The following CAST variants were observed in gnomAD, a reference collection of about 807,000 sequenced individuals.
CAST encodes the protein calpastatin.
In CAST, 76 loss-of-function variants were observed where a neutral mutation model predicts 119.6. The ratio of observed to expected loss-of-function variants is 0.64; its 90% confidence interval spans 0.53 to 0.77. The LOEUF (loss-of-function observed/expected upper bound fraction) is 0.77, where lower values mean the gene tolerates loss of function less well. Among genes scored for constraint, CAST ranks in the 30% least tolerant of loss-of-function variants. The probability of loss-of-function intolerance (pLI) is 0.00; values close to 1 mark genes in which losing one functional copy is unlikely to be tolerated. For missense variants in CAST, 953 were observed against 946.5 expected (o/e 1.01, Z -0.09); for synonymous variants, 319 against 331.6 (o/e 0.96, Z 0.41).
At chr5:96,409,116 T>G in the CAST span, among the ~76,000 whole-genome samples, 1 of 152,182 alleles carries the variant, frequency 6.6e-6, no homozygotes, top group African/African-American at 2.4e-5. Context: ...CCTGGCTAAC[T>G]TTAGGGTAAT....
the CAST span, among the ~76,000 whole-genome samples, chr5:96,128,720 A>G: frequency 1.3e-5 from 2 of 152,084 alleles, no homozygotes; most frequent in Admixed American, 6.6e-5. Context: ...AATTCACTCC[A>G]TTAACTGATG....
At chr5:96,295,713 T>C in the CAST span, among the ~76,000 whole-genome samples, 3 of 152,092 alleles carry the variant, frequency 2.0e-5, no homozygotes, top group Admixed American at 2.0e-4. Flanking sequence ...ATAATGGAGA[T>C]TGAAAAAAAT....
intron 3 of CAST, among the ~76,000 whole-genome samples, chr5:96,710,143 G>A (rs1755810904): frequency 6.6e-6 from 1 of 152,142 alleles, no homozygotes; most frequent in Non-Finnish European, 1.5e-5. Flanking sequence ...ACCTAGGCTA[G>A]CAATATTAGC....
intron 29 of CAST, chr5:96,769,206 C>T (rs1771219113): frequency 6.6e-6 from 1 of 152,184 alleles, no homozygotes; most frequent in Non-Finnish European, 1.5e-5. Context: ...ACTGAATTGT[C>T]AGCCCTTCCA....
chr5:96,556,971 T>C (rs897909478), intron 1 of CAST, among the ~76,000 whole-genome samples: 2 of 152,066 alleles, frequency 1.3e-5, no homozygotes, highest in African/African-American at 4.8e-5. Context: ...AAGGTCGGGT[T>C]ACCCACAAAG....
the CAST span, among the ~76,000 whole-genome samples, chr5:96,230,575 T>A: frequency 1.8e-4 from 27 of 152,268 alleles, no homozygotes; most frequent in East Asian, 5.2e-3. Context: ...ATCTTTATGA[T>A]CTTTGGGTTA....
chr5:96,364,537 C>T, the CAST span, among the ~76,000 whole-genome samples: 1 of 152,272 alleles, frequency 6.6e-6, no homozygotes, highest in South Asian at 2.1e-4. Flanking sequence ...CAACTTCTTC[C>T]TGGTTTAGTC....
the CAST span, among the ~76,000 whole-genome samples, chr5:96,371,059 C>T: frequency 6.6e-5 from 10 of 152,190 alleles, no homozygotes; most frequent in Middle Eastern, 3.2e-3. Flanking sequence ...TGAAATACAC[C>T]TGTGTCTTGC....
At chr5:96,545,700 C>G (rs1745997952) in intron 1 of CAST, among the ~76,000 whole-genome samples, 1 of 152,184 alleles carries the variant, frequency 6.6e-6, no homozygotes, top group Admixed American at 6.5e-5. Flanking sequence ...TACATAGCCT[C>G]TATCCATATC....
At chr5:96,542,988 A>C (rs532337061) in intron 1 of CAST, among the ~76,000 whole-genome samples, 25 of 152,330 alleles carry the variant, frequency 1.6e-4, no homozygotes, top group African/African-American at 6.0e-4. Context: ...TTCCTCAAGG[A>C]TCTAGAACCA....
chr5:96,588,558 A>G lies in CAST; in HGVS notation c.60+58678A>G, dbSNP rs1746901988. Among the ~76,000 whole-genome samples, 3 of 152,128 alleles carry G rather than the reference A, an allele frequency of 2.0e-5. No homozygotes were observed. The South Asian group carries it at 6.2e-4, about 31-fold the overall frequency. On this transcript the variant is annotated intron_variant, in intron 1 of 11. Coordinates refer to the CAST transcript ENST00000505143. ...TACTGGGCTTTTTTATCTGATAACTATAGTGGTCTAATTCTTCAAATACAC... is the reference window on the plus strand; with the variant it reads ...TACTGGGCTTTTTTATCTGATAACTGTAGTGGTCTAATTCTTCAAATACAC...
At chr5:96,369,923 CTG>C in the CAST span, among the ~76,000 whole-genome samples, 155 of 152,160 alleles carry the variant, frequency 1.0e-3, 3 homozygotes, top group South Asian at 0.032. Context: ...TCCCCAATGT[CTG>C]ACAGCTATGC....
chr5:96,758,276 T>G (rs1004571481), intron 24 of CAST, among the ~76,000 whole-genome samples: 2 of 152,204 alleles, frequency 1.3e-5, no homozygotes, highest in African/African-American at 4.8e-5. Flanking sequence ...TTTCCCAAAT[T>G]GCCTCCTAAG....
chr5:96,663,290 C>T, intron 1 of CAST: 2 of 695,178 alleles, frequency 2.9e-6, no homozygotes, highest in Non-Finnish European at 5.3e-6. Context: ...GGAAGGGGTG[C>T]GGACCGGGTG....
At chr5:96,167,233 C>G in the CAST span, among the ~76,000 whole-genome samples, 1 of 152,154 alleles carries the variant, frequency 6.6e-6, no homozygotes, top group Non-Finnish European at 1.5e-5. Flanking sequence ...GTTAAGAGTG[C>G]TGGTTTGGGG....
rs756487841 is a variant in CAST at position 96,742,718 on chromosome 5, C to A, written c.1162C>A (p.Pro388Thr). The A allele has an allele frequency of 6.2e-7, 1 of 1,613,836 alleles. No homozygotes were observed. The highest frequency in any genetic ancestry group is 8.5e-7 in the Non-Finnish European group (1 of 1,179,904). The change falls in exon 16 of 32, where the codon CCT becomes ACT. Residue 388 changes from proline to threonine, a missense_variant. Transcript: ENST00000675179. The stretch of plus-strand genomic sequence containing the variant: ...TTCACTGGGCACCCGGCAAGCAGAA[C>A]CTGAGCTCGACCTCCGCTCAATTAA... The part of the protein sequence containing the change: ...SASLGTRQAE[P>T]ELDLRSIKEV...
the CAST span, among the ~76,000 whole-genome samples, chr5:96,112,238 T>C: frequency 6.6e-6 from 1 of 152,118 alleles, no homozygotes; most frequent in Non-Finnish European, 1.5e-5. Context: ...CCAGTGGGAA[T>C]ATATTACCTA....
At chr5:96,682,961 G>A (rs1751624620) in intron 2 of CAST, among the ~76,000 whole-genome samples, 1 of 151,912 alleles carries the variant, frequency 6.6e-6, no homozygotes, top group African/African-American at 2.4e-5. Flanking sequence ...GCCACACCCT[G>A]CGCACAACCC....
At chr5:96,288,435 A>G in the CAST span, among the ~76,000 whole-genome samples, 10 of 152,172 alleles carry the variant, frequency 6.6e-5, no homozygotes, top group Non-Finnish European at 1.3e-4. Flanking sequence ...TCCTGCAGCC[A>G]TGCTCCTTTC....
Sources: allele counts gnomAD v4.1 joint callset (sites outside exome capture counted in the v4.1 genomes callset), GRCh38; gene constraint gnomAD v4.1.1; transcripts MANE v1.5; gene names NCBI Gene and HGNC (gene_info 2026-07-23, HGNC 2026-07-21).